Variants in LRMDA observed in about 807,000 individuals in gnomAD.
LRMDA encodes leucine rich melanocyte differentiation associated.
A neutral mutation model predicts 29.8 loss-of-function variants in LRMDA; 18 were observed. That is an observed-to-expected ratio of 0.60 (90% CI 0.42 to 0.90). The LOEUF (loss-of-function observed/expected upper bound fraction) is 0.90, where lower values mean the gene tolerates loss of function less well. LRMDA is among the 40% of genes least tolerant of loss of function. The pLI, the probability that LRMDA is intolerant of heterozygous loss-of-function variation, is 0.00. For synonymous variants in LRMDA, 125 were observed against 109.4 expected (o/e 1.14, Z -0.89); for missense variants, 273 against 273.9 (o/e 1.00, Z 0.02).
At chr10:76,038,337 T>C (rs1046531769) in intron 3 of LRMDA, among the ~76,000 whole-genome samples, 3 of 152,228 alleles carry the variant, frequency 2.0e-5, no homozygotes. Context: ...TCTTTGTCTT[T>C]GGTTGAGTCC....
At chr10:76,320,044 G>T (rs1307798193) in intron 5 of LRMDA, among the ~76,000 whole-genome samples, 1 of 152,110 alleles carries the variant, frequency 6.6e-6, no homozygotes, top group Non-Finnish European at 1.5e-5. Flanking sequence ...GTTTTTCATT[G>T]AATGCACCTA....
chr10:76,491,739 G>C (rs1842835677), intron 6 of LRMDA, among the ~76,000 whole-genome samples: 1 of 151,814 alleles, frequency 6.6e-6, no homozygotes, highest in Non-Finnish European at 1.5e-5. Context: ...AAAGTCCTCT[G>C]TTATTATCCC....
intron 2 of LRMDA, among the ~76,000 whole-genome samples, chr10:75,533,123 G>A (rs1214125717): frequency 6.6e-6 from 1 of 152,170 alleles, no homozygotes; most frequent in Non-Finnish European, 1.5e-5. Flanking sequence ...TAGTTAGTGA[G>A]ATTTTATGGA....
chr10:75,678,283 T>C (rs529205840), intron 2 of LRMDA, among the ~76,000 whole-genome samples: 1 of 152,300 alleles, frequency 6.6e-6, no homozygotes, highest in Non-Finnish European at 1.5e-5. Flanking sequence ...AGAGGCATAG[T>C]CACCTACTTA....
chr10:75,714,011 T>C (rs1842468781), intron 2 of LRMDA, among the ~76,000 whole-genome samples: 1 of 152,154 alleles, frequency 6.6e-6, no homozygotes, highest in African/African-American at 2.4e-5. Flanking sequence ...GTGCCACTTA[T>C]TTCTCTCCTC....
chr10:76,228,302 A>G (rs982064823), intron 5 of LRMDA, among the ~76,000 whole-genome samples: 3 of 152,064 alleles, frequency 2.0e-5, no homozygotes, highest in Non-Finnish European at 4.4e-5. Context: ...ATGAGCTACC[A>G]CGCCCGGCAG....
chr10:76,181,321 T>C (rs1851045666), intron 5 of LRMDA, among the ~76,000 whole-genome samples: 1 of 152,226 alleles, frequency 6.6e-6, no homozygotes, highest in African/African-American at 2.4e-5. Flanking sequence ...GCTTTGTTTG[T>C]GCTTTTCCCC....
chr10:76,378,496 G>A (rs1352695601), intron 6 of LRMDA, among the ~76,000 whole-genome samples: 2 of 152,142 alleles, frequency 1.3e-5, no homozygotes, highest in Non-Finnish European at 2.9e-5. Flanking sequence ...TCCTCATTCA[G>A]TATGATGATG....
chr10:76,503,108 A>T lies in LRMDA; in HGVS notation c.602-54101A>T, dbSNP rs554988053. 1.9e-4 allele frequency among the ~76,000 whole-genome samples: 29 copies of T among 151,952 alleles called. No homozygotes were observed. In the South Asian group the frequency reaches 4.8e-3, roughly 25 times the overall value. ...TGTTGAGTGTTTTTATCATGAAGGG[A>T]TGTTGGATTTTATCTAAAGCTTTTT... On this transcript the variant is annotated intron_variant, in intron 6 of 6. Transcript: ENST00000611255.
intron 2 of LRMDA, among the ~76,000 whole-genome samples, chr10:75,506,224 T>C (rs1463838487): frequency 1.3e-5 from 2 of 152,314 alleles, no homozygotes; most frequent in Admixed American, 1.3e-4. Flanking sequence ...CAGGATAAGA[T>C]GGACATGGCA....
intron 5 of LRMDA, among the ~76,000 whole-genome samples, chr10:76,172,187 C>G (rs1850851526): frequency 6.6e-6 from 1 of 152,142 alleles, no homozygotes; most frequent in Admixed American, 6.5e-5. Flanking sequence ...CCCCATGACT[C>G]AAACACCTGC....
intron 2 of LRMDA, among the ~76,000 whole-genome samples, chr10:75,766,685 G>T (rs960655888): frequency 3.3e-5 from 5 of 151,766 alleles, no homozygotes; most frequent in Non-Finnish European, 4.4e-5. Context: ...GTGCAGGTTT[G>T]TTACATAGGC....
chr10:76,130,754 G>A (rs567485064), intron 5 of LRMDA, among the ~76,000 whole-genome samples: 35 of 152,216 alleles, frequency 2.3e-4, no homozygotes, highest in African/African-American at 8.4e-4. Context: ...CTGCCTCCTG[G>A]GTTTAAGCGA....
chr10:75,467,717 C>T (rs895851061), intron 2 of LRMDA, among the ~76,000 whole-genome samples: 1 of 151,992 alleles, frequency 6.6e-6, no homozygotes, highest in Non-Finnish European at 1.5e-5. Context: ...AATCCCAGCA[C>T]TTTGGGAGGC....
intron 5 of LRMDA, among the ~76,000 whole-genome samples, chr10:76,159,536 T>A (rs930997447): frequency 6.6e-6 from 1 of 152,202 alleles, no homozygotes; most frequent in Non-Finnish European, 1.5e-5. Flanking sequence ...CCTTGGTATT[T>A]ACTCAAATGA....
At chr10:76,030,054 C>T (rs1848123815) in intron 2 of LRMDA, among the ~76,000 whole-genome samples, 1 of 152,128 alleles carries the variant, frequency 6.6e-6, no homozygotes. Context: ...CACCATCATG[C>T]CAGGCTACTT....
chr10:76,096,748 T>C (rs1169625769), intron 5 of LRMDA, among the ~76,000 whole-genome samples: 1 of 152,168 alleles, frequency 6.6e-6, no homozygotes, highest in Non-Finnish European at 1.5e-5. Flanking sequence ...TCTCTCTCTA[T>C]TAATTTAGAT....
intron 5 of LRMDA, among the ~76,000 whole-genome samples, chr10:76,317,667 G>A (rs761986667): frequency 3.4e-4 from 52 of 152,058 alleles, no homozygotes; most frequent in South Asian, 1.7e-3. Context: ...TCTGCCTCCC[G>A]GGTTCAGGCA....
intron 2 of LRMDA, among the ~76,000 whole-genome samples, chr10:75,753,250 T>G (rs1842988910): frequency 6.6e-6 from 1 of 152,186 alleles, no homozygotes. Flanking sequence ...TAGTTGAAAG[T>G]GCTGAGAATA....
Sources: allele counts gnomAD v4.1 joint callset (sites outside exome capture counted in the v4.1 genomes callset), GRCh38; gene constraint gnomAD v4.1.1; transcripts MANE v1.5; gene names NCBI Gene and HGNC (gene_info 2026-07-23, HGNC 2026-07-21).